COL28A1: variants seen among roughly 807,000 people sequenced by gnomAD.
COL28A1 encodes the protein collagen alpha-1(XXVIII) chain.
In COL28A1, 161 loss-of-function variants were observed where a neutral mutation model predicts 150.2. The ratio of observed to expected loss-of-function variants is 1.07; its 90% CI spans 0.94 to 1.22. The LOEUF is 1.22. Among genes scored for constraint, COL28A1 ranks in the 50% most tolerant of loss-of-function variants. The probability of loss-of-function intolerance (pLI) is 0.00; values close to 1 mark genes in which losing one functional copy is unlikely to be tolerated. For synonymous variants in COL28A1, 552 were observed against 469.7 expected (o/e 1.18, Z -2.26); for missense variants, 1,617 against 1,388.3 (o/e 1.16, Z -2.62).
intron 13 of COL28A1, among the ~76,000 whole-genome samples, chr7:7,478,432 A>T (rs1789102026): frequency 6.6e-6 from 1 of 152,272 alleles, no homozygotes; most frequent in Non-Finnish European, 1.5e-5. Flanking sequence ...CCTTAGCCGG[A>T]CATAAAGGTT....
intron 6 of COL28A1, among the ~76,000 whole-genome samples, 155 bp downstream of exon 6, chr7:7,519,903 AAGAT>A (rs1191643919): frequency 6.6e-6 from 1 of 152,226 alleles, no homozygotes; most frequent in African/African-American, 2.4e-5. Flanking sequence ...TAATAGAAAT[AAGAT>A]AGATAATATA....
intron 14 of COL28A1, among the ~76,000 whole-genome samples, chr7:7,476,820 G>A (rs999149410): frequency 6.6e-6 from 1 of 152,138 alleles, no homozygotes; most frequent in Admixed American, 6.6e-5. Flanking sequence ...TGGGCATAAG[G>A]ATGTTATTTA....
rs1412223800 is a variant in COL28A1 at position 7,373,889 on chromosome 7, C to T, written c.2360-343G>A. Among the ~76,000 whole-genome samples the T allele has an allele frequency of 6.6e-6, 1 of 151,170 alleles. No homozygotes were observed. The highest frequency in any genetic ancestry group is 1.5e-5 in the Non-Finnish European group (1 of 67,796). On this transcript the variant is annotated intron_variant, in intron 31 of 34. Transcript: ENST00000399429. This position sits in a 1 kb window ranked among gnomAD's most constrained non-coding sequence, Gnocchi z 4.1. ...TAATTTTTTGTATTTTTAGTAGAGA[C>T]AGGGTTTCACCGTGTTAGCCAAGAT...
chr7:7,358,569 T>C lies in COL28A1; in HGVS notation c.*64A>G, dbSNP rs1780453785. The C allele has an allele frequency of 3.5e-6, 5 of 1,446,568 alleles. No homozygotes were observed. Among genetic ancestry groups the C allele is most frequent in the East Asian group, 2.3e-5 (1 of 44,016 alleles). The allele number at this position is 1,446,568 out of a possible 1,614,324, so 89.6% of individuals were successfully genotyped here. A position where few individuals can be genotyped will look rare whatever the true frequency, so the allele number is the denominator to read the frequency against. On this transcript the variant is annotated 3_prime_UTR_variant, in exon 35 of 35. Transcript: ENST00000399429. ...ACTCAAATATAGTGCTGTATTTGTA[T>C]TGGGTGAATATGTGGAAATTAGGGA...
chr7:7,498,157 A>G (rs1274765100), intron 11 of COL28A1, among the ~76,000 whole-genome samples: 1 of 152,206 alleles, frequency 6.6e-6, no homozygotes, highest in South Asian at 2.1e-4. Flanking sequence ...GCCTACAAAC[A>G]TGGCAATTCA....
chr7:7,515,930 C>A (rs970771487), intron 7 of COL28A1, 90 bp from the exon 8 acceptor site: 2 of 743,846 alleles, frequency 2.7e-6, no homozygotes, highest in Non-Finnish European at 4.9e-6. Flanking sequence ...CAAGGTATAA[C>A]AAAAACACAT....
At position 7,531,923 on chromosome 7, in the gene COL28A1, GT is replaced by G; in HGVS notation, c.125-20del. 6.7e-7 allele frequency: 1 copy of G among 1,485,964 alleles called. No individual in the cohort carries two copies. The highest frequency in any genetic ancestry group is 9.3e-7 in the Non-Finnish European group (1 of 1,074,584). The allele number at this position is 1,485,964 out of a possible 1,614,324, so 92.0% of individuals were successfully genotyped here. A position where few individuals can be genotyped will look rare whatever the true frequency, so the allele number is the denominator to read the frequency against. ...ATGGAGCCTGAAACAGAATAAACAGGTTAGGCAAAATAATTATTCCTATCAT... is the reference window on the plus strand; with the variant it reads ...ATGGAGCCTGAAACAGAATAAACAGGTAGGCAAAATAATTATTCCTATCAT... On this transcript the variant is annotated intron_variant, in intron 2 of 34. Transcript: ENST00000399429.
At chr7:7,541,223 A>G in the COL28A1 span, among the ~76,000 whole-genome samples, 11 of 152,214 alleles carry the variant, frequency 7.2e-5, no homozygotes, top group East Asian at 2.1e-3. Context: ...CTCCTGCACA[A>G]CAGTTTGTTT....
chr7:7,359,842 T>A (rs1780549541), intron 34 of COL28A1, among the ~76,000 whole-genome samples: 1 of 152,146 alleles, frequency 6.6e-6, no homozygotes, highest in Non-Finnish European at 1.5e-5. Flanking sequence ...AACCAAATAA[T>A]ATATATTGTG....
chr7:7,342,686 G>C, the COL28A1 span, among the ~76,000 whole-genome samples: 1 of 151,922 alleles, frequency 6.6e-6, no homozygotes, highest in African/African-American at 2.4e-5. Flanking sequence ...CTTCAGACCA[G>C]AACATTAGAA....
intron 11 of COL28A1, among the ~76,000 whole-genome samples, chr7:7,491,366 G>T (rs1010509186): frequency 6.6e-6 from 1 of 152,192 alleles, no homozygotes; most frequent in Non-Finnish European, 1.5e-5. Context: ...ACATAGAGAT[G>T]TGATAACTGT....
At chr7:7,428,689 C>T (rs1252797674) in intron 25 of COL28A1, among the ~76,000 whole-genome samples, 6 of 152,206 alleles carry the variant, frequency 3.9e-5, no homozygotes, top group Non-Finnish European at 7.3e-5. Context: ...AGATTGGATC[C>T]AGGAGTGAGG....
At chr7:7,383,738 G>GCTATAAAGTATTTCATTAAATAA (rs1782026892) in intron 27 of COL28A1, among the ~76,000 whole-genome samples, 1 of 138,650 alleles carries the variant, frequency 7.2e-6, no homozygotes, top group African/African-American at 2.6e-5. Flanking sequence ...TCGTCTCTCT[G>GCTATAAAGTATTTCATTAAATAA]CTATAAAGTA....
intron 12 of COL28A1, among the ~76,000 whole-genome samples, chr7:7,489,726 G>C (rs531313264): frequency 2.0e-5 from 3 of 152,270 alleles, no homozygotes; most frequent in African/African-American, 7.2e-5. Flanking sequence ...AGGACAGACT[G>C]TGTGGCAATG....
At chr7:7,491,045 C>T (rs532967568) in intron 11 of COL28A1, among the ~76,000 whole-genome samples, 12 of 152,250 alleles carry the variant, frequency 7.9e-5, no homozygotes, top group African/African-American at 2.6e-4. Context: ...AAAGGCATAA[C>T]GCAGCCATCA....
At chr7:7,462,045 A>T (rs1220774887) in intron 15 of COL28A1, among the ~76,000 whole-genome samples, 5 of 152,172 alleles carry the variant, frequency 3.3e-5, no homozygotes, top group Admixed American at 3.3e-4. Flanking sequence ...GACGGTTCAC[A>T]TCATAGGACT....
chr7:7,415,184 TA>T (rs1007664742), intron 27 of COL28A1, among the ~76,000 whole-genome samples: 1 of 152,180 alleles, frequency 6.6e-6, no homozygotes, highest in Non-Finnish European at 1.5e-5. Context: ...GCTTCTGTGT[TA>T]AAGGTTAACA....
intron 15 of COL28A1, among the ~76,000 whole-genome samples, chr7:7,457,107 G>A (rs535090839): frequency 1.8e-4 from 27 of 152,202 alleles, no homozygotes; most frequent in Admixed American, 5.9e-4. Context: ...TTATGGCAGT[G>A]GAGTCAGGTA....
chr7:7,450,639 C>A (rs544451308), intron 18 of COL28A1, among the ~76,000 whole-genome samples: 1 of 152,286 alleles, frequency 6.6e-6, no homozygotes, highest in East Asian at 1.9e-4. Flanking sequence ...GACTCGCACG[C>A]TCTATGATCT....
Sources: allele counts gnomAD v4.1 joint callset (sites outside exome capture counted in the v4.1 genomes callset), GRCh38; gene constraint gnomAD v4.1.1; non-coding constraint Gnocchi (gnomAD v3.1); transcripts MANE v1.5; gene names NCBI Gene and HGNC (gene_info 2026-07-23, HGNC 2026-07-21).